The following NLRP12 variants were observed in gnomAD, a reference collection of about 807,000 sequenced individuals.
NLRP12 encodes NLR family pyrin domain containing 12, also known as NACHT, LRR and PYD domains-containing protein 12.
NLRP12 carries 108 observed loss-of-function variants against 91.2 expected under a neutral mutation model. The ratio of observed to expected loss-of-function variants is 1.18; its 90% CI spans 1.01 to 1.39. NLRP12 has a LOEUF of 1.39. Among genes scored for constraint, NLRP12 ranks in the 40% most tolerant of loss-of-function variants. The pLI, the probability that NLRP12 is intolerant of heterozygous loss-of-function variation, is 0.00. For synonymous variants in NLRP12, 613 were observed against 566.7 expected (o/e 1.08, Z -1.16); for missense variants, 1,530 against 1,352.7 (o/e 1.13, Z -2.06).
chr19:53,814,441 C>T (rs2092125948), intron 2 of NLRP12, among the ~76,000 whole-genome samples: 1 of 152,164 alleles, frequency 6.6e-6, no homozygotes, highest in African/African-American at 2.4e-5. Context: ...CAACCTCTAC[C>T]TCCCAGGTTC....
intron 9 of NLRP12, 92 bp downstream of exon 9, chr19:53,795,767 G>A: frequency 9.0e-7 from 1 of 1,105,510 alleles, no homozygotes; most frequent in African/African-American, 1.5e-5. Context: ...ATACACCAGT[G>A]CATAACGTAT....
Position 53,793,837 on chromosome 19 carries a change from G to A in NLRP12, c.*212C>T, listed in dbSNP as rs552422000. 2.0e-5 allele frequency: 13 copies of A among 635,158 alleles called. No individual in the cohort carries two copies. Among genetic ancestry groups the A allele is most frequent in the Middle Eastern group, 4.1e-4 (1 of 2,412 alleles). The allele number at this position is 635,158 out of a possible 1,614,324, so 39.3% of individuals were successfully genotyped here. On this transcript the variant is annotated 3_prime_UTR_variant, in exon 10 of 10. Coordinates refer to ENST00000324134, the MANE Select transcript of NLRP12 (RefSeq NM_144687.4). ...CCTGACCTCGTGATCCACCTGCCTCGGCCTCTCGAAGTGCTAGGATTACAT... is the reference window on the plus strand; with the variant it reads ...CCTGACCTCGTGATCCACCTGCCTCAGCCTCTCGAAGTGCTAGGATTACAT...
In NLRP12 at chr19:53,814,982, G is replaced by A. The variant is rs1271514228; in HGVS notation, c.296C>T (p.Pro99Leu). The change falls in exon 2 of 10, where the codon CCA becomes CTA. Residue 99 changes from proline to leucine, a missense_variant. Transcript: ENST00000324134. ...CCCAAGTGAGGACGGGCCACCAGGTGGGGTATCTGGAAGAGAAATTGTGGA... is the reference window on the plus strand; with the variant it reads ...CCCAAGTGAGGACGGGCCACCAGGTAGGGTATCTGGAAGAGAAATTGTGGA... ...GQREDLVRDT[P>L]PGGPSSLGNQ... The A allele has an allele frequency of 1.9e-6, 3 of 1,613,378 alleles. No homozygotes were observed. Among genetic ancestry groups the A allele is most frequent in the African/African-American group, 1.3e-5 (1 of 75,018 alleles).
chr19:53,807,130 C>T (rs937355403), intron 4 of NLRP12, among the ~76,000 whole-genome samples: 1 of 152,060 alleles, frequency 6.6e-6, no homozygotes, highest in African/African-American at 2.4e-5. Flanking sequence ...TGCAGTGGCA[C>T]AATCCCGGCT....
chr19:53,800,936 T>C (rs1320171244), intron 7 of NLRP12, among the ~76,000 whole-genome samples: 1 of 151,976 alleles, frequency 6.6e-6, no homozygotes, highest in East Asian at 1.9e-4. Context: ...GGCTCAAGCC[T>C]GTAATCCCAG....
At chr19:53,796,242 T>G in intron 8 of NLRP12, 1 of 568,582 alleles carries the variant, frequency 1.8e-6, no homozygotes, top group Non-Finnish European at 3.2e-6. Context: ...ATGGCTAATT[T>G]TTGTATCCTT....
At chr19:53,798,762 A>G (rs985040037) in intron 7 of NLRP12, among the ~76,000 whole-genome samples, 2 of 151,978 alleles carry the variant, frequency 1.3e-5, no homozygotes, top group Admixed American at 1.3e-4. Context: ...TCTTTTTGCG[A>G]TGGCGTTTCC....
At chr19:53,806,773 G>A (rs913377183) in intron 4 of NLRP12, among the ~76,000 whole-genome samples, 4 of 147,594 alleles carry the variant, frequency 2.7e-5, no homozygotes, top group East Asian at 4.0e-4. Context: ...CAAGAGGATC[G>A]CTTGAGTCCA....
At chr19:53,819,568 T>TGCGTATGTATACGTATATAC (rs1568696172) in intron 1 of NLRP12, among the ~76,000 whole-genome samples, 1 of 32,962 alleles carries the variant, frequency 3.0e-5, no homozygotes, top group Admixed American at 3.3e-4. Context: ...TACGTATATA[T>TGCGTATGTATACGTATATAC]ATGCGTATAT....
At chr19:53,811,541 ATTTATTTGT>A (rs2092077373) in intron 2 of NLRP12, among the ~76,000 whole-genome samples, 1 of 145,098 alleles carries the variant, frequency 6.9e-6, no homozygotes, top group Non-Finnish European at 1.6e-5. Context: ...AATTAAAATA[ATTTATTTGT>A]TTTGAGACTA....
At chr19:53,803,911 G>A (rs779462006) in intron 6 of NLRP12, 41 bp downstream of exon 6, 1 of 1,589,112 alleles carries the variant, frequency 6.3e-7, no homozygotes, top group Non-Finnish European at 8.6e-7. Context: ...AATATGAAGA[G>A]ATTTGCCATT....
rs2091744900 is a variant in NLRP12 at position 53,795,770 on chromosome 19, T to C, written c.3098+89A>G. ...CCCCCTAATTGCATACACCAGTGCA[T>C]AACGTATTTGTCCATCCAGCTTATC... On this transcript the variant is annotated intron_variant, in intron 9 of 9. Coordinates refer to ENST00000324134, the MANE Select transcript of NLRP12 (RefSeq NM_144687.4). 5 of 1,158,666 alleles carry C rather than the reference T, an allele frequency of 4.3e-6. No homozygotes were observed. In the African/African-American group the frequency reaches 7.6e-5, roughly 18 times the overall value. The allele number at this position is 1,158,666 out of a possible 1,614,324, so 71.8% of individuals were successfully genotyped here.
chr19:53,811,066 G>A lies in NLRP12; in HGVS notation c.593C>T (p.Thr198Ile), dbSNP rs199829926. 1.2e-6 allele frequency: 2 copies of A among 1,612,890 alleles called. No individual in the cohort carries two copies. The highest frequency in any genetic ancestry group is 3.3e-5 in the Admixed American group (2 of 59,974). The change falls in exon 3 of 10, where the codon ACC becomes ATC. Residue 198 changes from threonine to isoleucine, a missense_variant. By Grantham distance (89) the Thr-to-Ile change is moderately conservative. Transcript: ENST00000324134. ...GHQASPIKIE[T>I]LFEPDEERPE... is the part of the protein sequence containing the mutation. ...GCGCTCCTCGTCTGGCTCAAAGAGG[G>A]TCTCTATCTTGATGGGGCTAGCCTG...
rs896692770 is a variant in NLRP12, at chr19:53,810,472, G to T, written c.1187C>A (p.Pro396His). Reference sequence around the variant, plus strand: ...GGGGACGAAGCACATGGTGAAGAGAGGCTCGTTGTCCCTCACGTAATTGAA... The same window carrying T: ...GGGGACGAAGCACATGGTGAAGAGATGCTCGTTGTCCCTCACGTAATTGAA... ...QVFNYVRDNE[P>H]LFTMCFVPLV... Residue 396 changes from proline (P) to histidine (H), a missense_variant, in exon 3 of 10, where the codon CCT becomes CAT. Transcript: ENST00000324134. The T allele has an allele frequency of 6.2e-7, 1 of 1,614,164 alleles. No homozygotes were observed. Among genetic ancestry groups the T allele is most frequent in the Non-Finnish European group, 8.5e-7 (1 of 1,180,038 alleles).
At chr19:53,797,954 T>TG (rs1408067452) in intron 8 of NLRP12, among the ~76,000 whole-genome samples, 1 of 144,272 alleles carries the variant, frequency 6.9e-6, no homozygotes, top group African/African-American at 2.6e-5. Context: ...AGGCTGGTCT[T>TG]GAACTCCTGA....
chr19:53,805,005 G>C (rs372554833), intron 5 of NLRP12, among the ~76,000 whole-genome samples: 1 of 152,178 alleles, frequency 6.6e-6, no homozygotes, highest in East Asian at 2.0e-4. Flanking sequence ...ACCCCAACTT[G>C]GGCAACATAG....
In NLRP12 at chr19:53,793,978, TG is replaced by T. The variant is rs995458551; in HGVS notation, c.*70del. 37 of 1,024,090 alleles carry T rather than the reference TG, an allele frequency of 3.6e-5. No individual in the cohort carries two copies. The highest frequency in any genetic ancestry group is 5.0e-5 in the Non-Finnish European group (32 of 641,808). 63.4% of individuals were successfully genotyped at this position (1,024,090 alleles called of 1,614,324 possible). On this transcript the variant is annotated 3_prime_UTR_variant, in exon 10 of 10. Coordinates refer to ENST00000324134, the MANE Select transcript of NLRP12 (RefSeq NM_144687.4). ...CTAGGAAGGAGGCTGATCATTATGCTGGGGGGGTGATGAGCACCCTCCCATC... is the reference window on the plus strand; with the variant it reads ...CTAGGAAGGAGGCTGATCATTATGCTGGGGGGTGATGAGCACCCTCCCATC...
Position 53,811,203 on chromosome 19 carries a change from G to T in NLRP12, c.456C>A (p.Asn152Lys), listed in dbSNP as rs374197946. The T allele has an allele frequency of 6.2e-6, 10 of 1,614,130 alleles. No individual in the cohort carries two copies. Among genetic ancestry groups the T allele is most frequent in the Middle Eastern group, 3.3e-4 (2 of 6,062 alleles). The change falls in exon 3 of 10, where the codon AAC (asparagine) becomes AAA (lysine). Residue 152 changes from asparagine (N) to lysine (K), a missense_variant. By Grantham distance (94) the Asn-to-Lys change is moderately conservative (BLOSUM62 0). Coordinates refer to ENST00000324134, the MANE Select transcript of NLRP12 (RefSeq NM_144687.4). ...GGAGCCGGGTGTACCGGTGGCTGAGGTTGACACATTCCCCTAGGCGCGCAT... is the reference window on the plus strand; with the variant it reads ...GGAGCCGGGTGTACCGGTGGCTGAGTTTGACACATTCCCCTAGGCGCGCAT... ...DRNARLGECV[N>K]LSHRYTRLLL... is the part of the protein sequence containing the mutation.
intron 1 of NLRP12, 74 bp downstream of exon 1, chr19:53,823,812 A>T: frequency 6.4e-7 from 1 of 1,552,352 alleles, no homozygotes; most frequent in Non-Finnish European, 8.9e-7. Context: ...AGCCTCCCAA[A>T]GTGCTGAGAT....
Sources: gnomAD v4.1 joint callset for allele counts (sites outside exome capture counted in the v4.1 genomes callset) on GRCh38, gnomAD v4.1.1 for gene constraint, MANE v1.5 for transcripts, NCBI Gene and HGNC (gene_info 2026-07-23, HGNC 2026-07-21) for gene names.